KIAA1217: variants seen among roughly 807,000 people sequenced by gnomAD.
The protein encoded by KIAA1217 is KIAA1217.
In KIAA1217, 88 loss-of-function variants were observed where a neutral mutation model predicts 163.9. That is an observed-to-expected ratio of 0.54 (90% CI 0.45 to 0.64). KIAA1217 has a LOEUF of 0.64. Ranked by LOEUF, KIAA1217 falls within the 30% of genes least tolerant of loss-of-function variation. KIAA1217 has a pLI of 0.00. For missense variants in KIAA1217, 2,372 were observed against 2,475.0 expected, an observed-to-expected ratio of 0.96 and a Z score of 0.88; for synonymous variants, 903 against 923.1, an observed-to-expected ratio of 0.98 and a Z score of 0.39.
At chr10:24,345,111 C>G (rs968852699) in intron 2 of KIAA1217, among the ~76,000 whole-genome samples, 1 of 152,130 alleles carries the variant, frequency 6.6e-6, no homozygotes, top group Non-Finnish European at 1.5e-5. Context: ...TATGAAAAAG[C>G]TTTTTTCAAT....
intron 1 of KIAA1217, among the ~76,000 whole-genome samples, chr10:23,940,367 G>A (rs1843708199): frequency 6.7e-6 from 1 of 149,806 alleles, no homozygotes; most frequent in African/African-American, 2.5e-5. Context: ...GGCTGAAGCA[G>A]GAGAATCATT....
chr10:24,224,175 C>T (rs2070113756), intron 2 of KIAA1217, among the ~76,000 whole-genome samples: 1 of 152,146 alleles, frequency 6.6e-6, no homozygotes, highest in African/African-American at 2.4e-5. Context: ...GTTAAGGACT[C>T]TTATCAGCAT....
intron 1 of KIAA1217, among the ~76,000 whole-genome samples, chr10:23,828,036 C>T (rs1377763872): frequency 6.6e-6 from 1 of 152,114 alleles, no homozygotes. Context: ...TTGTGAAGAG[C>T]CTTTTGTAAT....
In KIAA1217 at chr10:23,715,769, A is replaced by G. The variant is rs181125864; in HGVS notation, c.-321+20535A>G. Among the ~76,000 whole-genome samples, 446 of 152,300 alleles carry G rather than the reference A, an allele frequency of 2.9e-3. 1 individual carries two copies. Among genetic ancestry groups the G allele is most frequent in the African/African-American group, 0.01 (416 of 41,574 alleles). On this transcript the variant is annotated intron_variant, in intron 1 of 18. Transcript: ENST00000376462. ...TAAAGGAAGTAATCACATTACCCAT[A>G]TTTTAAAAATTAAACTTGCCCGTGA...
intron 1 of KIAA1217, among the ~76,000 whole-genome samples, chr10:23,789,701 T>A (rs2130920365): frequency 6.6e-6 from 1 of 152,142 alleles, no homozygotes; most frequent in Admixed American, 6.5e-5. Flanking sequence ...CAAACCCTCA[T>A]AATTGCGCTG....
In KIAA1217 at chr10:24,219,754, C is replaced by T. The variant is rs764639039; in HGVS notation, c.199C>T (p.His67Tyr). 3 of 1,613,852 alleles carry T rather than the reference C, an allele frequency of 1.9e-6. No homozygotes were observed. The highest frequency in any genetic ancestry group is 1.7e-5 in the Admixed American group (1 of 60,006). The change falls in exon 2 of 21, where the codon CAC (histidine) becomes TAC (tyrosine). Residue 67 changes from histidine (H) to tyrosine (Y), a missense_variant. His to Tyr is a moderately conservative substitution (Grantham distance 83, BLOSUM62 2). Transcript: ENST00000376454. ...SKSSRNIPRR[H>Y]TLGGPRSSKE... ...GTCTTCCCGCAATATCCCAAGGAGA[C>T]ACACCCTAGGGGGGCCCCGAAGTTC...
intron 2 of KIAA1217, among the ~76,000 whole-genome samples, chr10:24,274,729 T>C (rs969451784): frequency 1.3e-5 from 2 of 152,138 alleles, no homozygotes; most frequent in East Asian, 1.9e-4. Flanking sequence ...AAAATCCTTA[T>C]TTTACCTGTG....
chr10:23,809,495 G>C (rs34709436), intron 1 of KIAA1217, among the ~76,000 whole-genome samples: 28,782 of 151,732 alleles, frequency 0.19, 2,858 homozygotes, highest in Middle Eastern at 0.27. Context: ...TCAATAAAGT[G>C]AGGTAAGAAG....
chr10:23,780,656 A>G (rs767468241), intron 1 of KIAA1217, among the ~76,000 whole-genome samples: 16 of 152,086 alleles, frequency 1.1e-4, no homozygotes, highest in Non-Finnish European at 1.8e-4. Context: ...ATAATTTTCC[A>G]TCCTATAGAT....
intron 19 of KIAA1217, among the ~76,000 whole-genome samples, chr10:24,544,758 A>G (rs928890456): frequency 5.3e-5 from 8 of 152,128 alleles, no homozygotes; most frequent in African/African-American, 1.9e-4. Context: ...TGCTGTTGAA[A>G]TGGTTGCTCT....
intron 2 of KIAA1217, among the ~76,000 whole-genome samples, chr10:24,348,546 T>A (rs2048079727): frequency 6.6e-6 from 1 of 152,184 alleles, no homozygotes; most frequent in Admixed American, 6.5e-5. Flanking sequence ...TTCTACAAAT[T>A]ACTTTGTGAT....
chr10:24,154,722 A>G (rs1027691167), intron 2 of KIAA1217, among the ~76,000 whole-genome samples: 5 of 152,154 alleles, frequency 3.3e-5, no homozygotes, highest in Non-Finnish European at 7.4e-5. Flanking sequence ...TAAAAAATAC[A>G]AAAATTAGCT....
chr10:23,873,471 G>A (rs772162123), intron 1 of KIAA1217, among the ~76,000 whole-genome samples: 8 of 151,896 alleles, frequency 5.3e-5, no homozygotes, highest in African/African-American at 7.3e-5. Context: ...TACTGCATCC[G>A]GCCTTACTCA....
chr10:24,246,710 G>C (rs1004557643), intron 2 of KIAA1217, among the ~76,000 whole-genome samples: 1 of 152,052 alleles, frequency 6.6e-6, no homozygotes, highest in Non-Finnish European at 1.5e-5. Context: ...ACTGTTAACC[G>C]TGAACATGTA....
chr10:23,940,460 CAAAAAA>C (rs760090400), intron 1 of KIAA1217, among the ~76,000 whole-genome samples: 3 of 46,028 alleles, frequency 6.5e-5, no homozygotes, highest in Non-Finnish European at 9.6e-5. Context: ...GACTCCGTCT[CAAAAAA>C]AAAAAAAAAA....
intron 1 of KIAA1217, among the ~76,000 whole-genome samples, chr10:23,802,793 T>G (rs1836533632): frequency 6.6e-6 from 1 of 152,230 alleles, no homozygotes; most frequent in African/African-American, 2.4e-5. Context: ...GTTGGGACAC[T>G]GGGCTGGCTC....
intron 1 of KIAA1217, among the ~76,000 whole-genome samples, chr10:23,790,949 G>A (rs972535337): frequency 9.2e-5 from 14 of 151,934 alleles, no homozygotes; most frequent in African/African-American, 3.4e-4. Flanking sequence ...TTGCCAGGGT[G>A]GTCTCAAACT....
At chr10:24,264,765 TTCTCTCTCTCTC>T (rs55761615) in intron 2 of KIAA1217, among the ~76,000 whole-genome samples, 2,802 of 131,936 alleles carry the variant, frequency 0.021, 81 homozygotes, top group African/African-American at 0.074. Flanking sequence ...CGGTCGGTCT[TTCTCTCTCTCTC>T]TCTCTCTCTC....
At chr10:24,466,732 AC>A in intron 5 of KIAA1217, 1 of 985,400 alleles carries the variant, frequency 1.0e-6, no homozygotes. Flanking sequence ...TGTAATCAGG[AC>A]CTGAGCGAAT....
Sources: allele counts gnomAD v4.1 joint callset (sites outside exome capture counted in the v4.1 genomes callset), GRCh38; gene constraint gnomAD v4.1.1; transcripts MANE v1.5; gene names NCBI Gene and HGNC (gene_info 2026-07-23, HGNC 2026-07-21).